The following ITPR2 variants were observed in gnomAD, a reference collection of about 807,000 sequenced individuals.
The protein encoded by ITPR2 is inositol 1,4,5-trisphosphate-gated calcium channel ITPR2.
In ITPR2, 207 loss-of-function variants were observed where a neutral mutation model predicts 317.1. That is an observed-to-expected ratio of 0.65 (90% CI 0.58 to 0.73). ITPR2 has a LOEUF of 0.73. Among genes scored for constraint, ITPR2 ranks in the 30% least tolerant of loss-of-function variants. The pLI, the probability that ITPR2 is intolerant of heterozygous loss-of-function variation, is 0.00. For synonymous variants in ITPR2, 1,156 were observed against 1,149.1 expected (o/e 1.01, Z -0.12); for missense variants, 2,613 against 3,284.0 (o/e 0.80, Z 4.99).
chr12:26,348,868 G>C (rs1378318376), intron 55 of ITPR2, among the ~76,000 whole-genome samples: 7 of 152,116 alleles, frequency 4.6e-5, no homozygotes, highest in African/African-American at 1.7e-4. Context: ...CACACCTATA[G>C]TCCATCTTGG....
chr12:26,488,586 G>A (rs1942725894), intron 39 of ITPR2, among the ~76,000 whole-genome samples: 1 of 152,192 alleles, frequency 6.6e-6, no homozygotes. Context: ...CAACCCTCAA[G>A]AAAGAAGGCC....
At chr12:26,342,871 A>C (rs1229141678) in intron 55 of ITPR2, among the ~76,000 whole-genome samples, 1 of 150,428 alleles carries the variant, frequency 6.6e-6, no homozygotes, top group Non-Finnish European at 1.5e-5. Flanking sequence ...GGCTTCCCAA[A>C]GTTCTGGGAT....
At chr12:26,782,023 TATATATATATGTATAG>T (rs1412488024) in intron 2 of ITPR2, among the ~76,000 whole-genome samples, 64 of 28,422 alleles carry the variant, frequency 2.3e-3, no homozygotes, top group East Asian at 4.7e-3. Context: ...TATATATATA[TATATATATATGTATAG>T]AGAGAGAGAG....
chr12:26,793,876 C>G (rs1950384564), intron 1 of ITPR2, among the ~76,000 whole-genome samples: 1 of 152,084 alleles, frequency 6.6e-6, no homozygotes, highest in African/African-American at 2.4e-5. Context: ...GCCAAGAGAG[C>G]CTGCCCTAAA....
chr12:26,804,882 G>A (rs1592146505), intron 1 of ITPR2, among the ~76,000 whole-genome samples: 1 of 152,026 alleles, frequency 6.6e-6, no homozygotes, highest in East Asian at 1.9e-4. Context: ...CTACAGGCGT[G>A]CACCACCACA....
At chr12:26,616,234 T>C (rs1032472722) in intron 26 of ITPR2, among the ~76,000 whole-genome samples, 4 of 152,006 alleles carry the variant, frequency 2.6e-5, no homozygotes, top group Admixed American at 1.3e-4. Context: ...GCCTCCCGGG[T>C]TCACGCCATT....
intron 9 of ITPR2, among the ~76,000 whole-genome samples, chr12:26,700,016 C>T (rs529435626): frequency 3.1e-4 from 47 of 152,176 alleles, no homozygotes; most frequent in African/African-American, 1.0e-3. Flanking sequence ...CAAAGCATTG[C>T]GGCATATGGT....
At chr12:26,468,993 C>CCTGGA (rs1334049222) in intron 45 of ITPR2, among the ~76,000 whole-genome samples, 5 of 152,176 alleles carry the variant, frequency 3.3e-5, no homozygotes, top group African/African-American at 1.2e-4. Flanking sequence ...GTTCTGCTTG[C>CCTGGA]CTGGACTGTC....
intron 9 of ITPR2, among the ~76,000 whole-genome samples, chr12:26,697,200 G>A (rs1948368009): frequency 6.6e-6 from 1 of 152,160 alleles, no homozygotes; most frequent in Non-Finnish European, 1.5e-5. Flanking sequence ...CATTTAGAAA[G>A]AGGACTGAAT....
At chr12:26,777,777 G>A (rs1226827040) in intron 2 of ITPR2, among the ~76,000 whole-genome samples, 1 of 152,106 alleles carries the variant, frequency 6.6e-6, no homozygotes, top group East Asian at 1.9e-4. Context: ...TGAAGGGGAG[G>A]TCCTTCCCCT....
intron 34 of ITPR2, among the ~76,000 whole-genome samples, chr12:26,567,145 T>C (rs562114747): frequency 6.6e-6 from 1 of 152,304 alleles, no homozygotes; most frequent in South Asian, 2.1e-4. Flanking sequence ...TAGGTGAAAT[T>C]GACCATCAAA....
At chr12:26,378,472 T>C (rs542872017) in intron 55 of ITPR2, among the ~76,000 whole-genome samples, 4 of 152,206 alleles carry the variant, frequency 2.6e-5, no homozygotes, top group Non-Finnish European at 5.9e-5. Flanking sequence ...GGCCAGACTA[T>C]ATAAGCAGTC....
chr12:26,479,619 C>T (rs191362083), intron 43 of ITPR2, among the ~76,000 whole-genome samples: 61 of 152,216 alleles, frequency 4.0e-4, no homozygotes, highest in African/African-American at 1.3e-3. Flanking sequence ...ATCTTACAGG[C>T]CTAGGCTGGT....
At chr12:26,556,429 T>C in intron 35 of ITPR2, 54 bp from the exon 36 acceptor site, 1 of 1,552,868 alleles carries the variant, frequency 6.4e-7, no homozygotes, top group South Asian at 1.2e-5. Flanking sequence ...AGATTTCATC[T>C]TTCGAAGATA....
At chr12:26,453,751 A>G (rs1326728436) in intron 45 of ITPR2, among the ~76,000 whole-genome samples, 1 of 152,222 alleles carries the variant, frequency 6.6e-6, no homozygotes, top group Non-Finnish European at 1.5e-5. Flanking sequence ...AATTTGCTGG[A>G]TATTTCCCAT....
At chr12:26,786,449 TAAAAAAAAAA>T (rs59014121) in intron 2 of ITPR2, among the ~76,000 whole-genome samples, 1 of 119,242 alleles carries the variant, frequency 8.4e-6, no homozygotes, top group Non-Finnish European at 1.7e-5. Context: ...GAATGATCAA[TAAAAAAAAAA>T]AAAAAAAAAA....
At chr12:26,661,810 C>A (rs1344311772) in intron 15 of ITPR2, among the ~76,000 whole-genome samples, 5 of 152,132 alleles carry the variant, frequency 3.3e-5, no homozygotes, top group African/African-American at 1.2e-4. Context: ...CCACTAAAAA[C>A]TCAGGGTCCG....
intron 49 of ITPR2, among the ~76,000 whole-genome samples, chr12:26,424,846 A>G (rs1592011312): frequency 6.6e-6 from 1 of 151,702 alleles, no homozygotes; most frequent in East Asian, 1.9e-4. Context: ...TGCAACCTCT[A>G]CCTCCTGGGT....
intron 9 of ITPR2, among the ~76,000 whole-genome samples, chr12:26,702,539 A>G (rs1263630503): frequency 4.6e-5 from 7 of 151,620 alleles, no homozygotes; most frequent in African/African-American, 1.7e-4. Context: ...CCTGGGTTCA[A>G]GTGATTCTCC....
Sources: allele counts gnomAD v4.1 joint callset (sites outside exome capture counted in the v4.1 genomes callset), GRCh38; gene constraint gnomAD v4.1.1; transcripts MANE v1.5; gene names NCBI Gene and HGNC (gene_info 2026-07-23, HGNC 2026-07-21).